ST6GALNAC3: variants seen among roughly 807,000 people sequenced by gnomAD.
The protein encoded by ST6GALNAC3 is ST6 N-acetylgalactosaminide alpha-2,6-sialyltransferase 3, also known as alpha-N-acetylgalactosaminide alpha-2,6-sialyltransferase 3.
A neutral mutation model predicts 32.7 loss-of-function variants in ST6GALNAC3; 25 were observed. That is an observed-to-expected ratio of 0.76 (90% CI 0.56 to 1.07). The LOEUF (loss-of-function observed/expected upper bound fraction) is 1.07, where lower values mean the gene tolerates loss of function less well. Ranked by LOEUF, ST6GALNAC3 falls within the 50% of genes least tolerant of loss-of-function variation. The probability of loss-of-function intolerance (pLI) is 0.00; values close to 1 mark genes in which losing one functional copy is unlikely to be tolerated. For missense variants in ST6GALNAC3, 355 were observed against 382.4 expected (o/e 0.93, Z 0.60); for synonymous variants, 129 against 133.1 (o/e 0.97, Z 0.21).
chr1:76,342,395 C>A (rs956348112), intron 2 of ST6GALNAC3, among the ~76,000 whole-genome samples: 1 of 152,046 alleles, frequency 6.6e-6, no homozygotes, highest in African/African-American at 2.4e-5. Context: ...TTTTAATGAT[C>A]GCCATTCTAA....
intron 3 of ST6GALNAC3, among the ~76,000 whole-genome samples, chr1:76,560,277 G>A (rs534876967): frequency 1.6e-4 from 24 of 152,144 alleles, no homozygotes; most frequent in African/African-American, 3.1e-4. Context: ...TGATTTGGGC[G>A]AAATTTTATT....
chr1:76,112,532 C>T (rs1256938931), intron 1 of ST6GALNAC3, among the ~76,000 whole-genome samples: 5 of 151,634 alleles, frequency 3.3e-5, no homozygotes, highest in Non-Finnish European at 5.9e-5. Flanking sequence ...CCCCCACCTC[C>T]CTCCCGGACG....
At chr1:76,484,180 G>T (rs190982772) in intron 3 of ST6GALNAC3, among the ~76,000 whole-genome samples, 2,267 of 152,202 alleles carry the variant, frequency 0.015, 50 homozygotes, top group African/African-American at 0.053. Context: ...TGTTCTTTTG[G>T]CTTAGGATTG....
At chr1:76,489,544 A>G (rs1212758375) in intron 3 of ST6GALNAC3, among the ~76,000 whole-genome samples, 1 of 152,132 alleles carries the variant, frequency 6.6e-6, no homozygotes. Flanking sequence ...TTTCTGCATA[A>G]TAGACATCCT....
At chr1:76,303,089 A>G (rs1660822894) in intron 1 of ST6GALNAC3, among the ~76,000 whole-genome samples, 1 of 101,938 alleles carries the variant, frequency 9.8e-6, no homozygotes, top group South Asian at 3.7e-4. Context: ...CTGAGTTACA[A>G]AGGTCACAGT....
At chr1:76,608,139 A>G (rs1189502478) in intron 3 of ST6GALNAC3, among the ~76,000 whole-genome samples, 6 of 152,230 alleles carry the variant, frequency 3.9e-5, no homozygotes, top group Non-Finnish European at 1.5e-5. Flanking sequence ...CAAGCCAATG[A>G]GGTATCTCTA....
intron 3 of ST6GALNAC3, among the ~76,000 whole-genome samples, chr1:76,452,796 A>G (rs1324189113): frequency 6.6e-6 from 1 of 152,118 alleles, no homozygotes; most frequent in Non-Finnish European, 1.5e-5. Flanking sequence ...GGCTTCATAG[A>G]ATGACTTAGG....
chr1:76,321,048 A>C (rs1646958504), intron 2 of ST6GALNAC3, among the ~76,000 whole-genome samples: 1 of 151,522 alleles, frequency 6.6e-6, no homozygotes, highest in South Asian at 2.1e-4. Context: ...TCTACTCTCC[A>C]CCTTCCCTTT....
chr1:76,191,488 A>G (rs1307230215), intron 1 of ST6GALNAC3, among the ~76,000 whole-genome samples: 2 of 152,084 alleles, frequency 1.3e-5, no homozygotes, highest in African/African-American at 4.8e-5. Flanking sequence ...AACAGTTAAG[A>G]TGTGATATAT....
At chr1:76,143,312 T>A (rs1360268615) in intron 1 of ST6GALNAC3, among the ~76,000 whole-genome samples, 2 of 152,004 alleles carry the variant, frequency 1.3e-5, no homozygotes, top group East Asian at 3.9e-4. Flanking sequence ...GCAGTCCTAT[T>A]AGCAAACTCA....
intron 3 of ST6GALNAC3, among the ~76,000 whole-genome samples, chr1:76,487,356 G>A (rs1033523494): frequency 6.6e-6 from 1 of 152,084 alleles, no homozygotes; most frequent in Non-Finnish European, 1.5e-5. Flanking sequence ...GTCACTTTCA[G>A]GTACACCAAT....
intron 1 of ST6GALNAC3, among the ~76,000 whole-genome samples, chr1:76,237,624 A>T (rs1355220681): frequency 6.6e-6 from 1 of 152,198 alleles, no homozygotes. Flanking sequence ...TGGAGGGAAA[A>T]AAACCCAGTT....
At chr1:76,221,979 G>A (rs1421615052) in intron 1 of ST6GALNAC3, among the ~76,000 whole-genome samples, 1 of 152,124 alleles carries the variant, frequency 6.6e-6, no homozygotes, top group South Asian at 2.1e-4. Context: ...TGTGAATGAT[G>A]GACAGGAGAG....
At chr1:76,542,992 T>G (rs1051890281) in intron 3 of ST6GALNAC3, among the ~76,000 whole-genome samples, 1 of 152,228 alleles carries the variant, frequency 6.6e-6, no homozygotes, top group Non-Finnish European at 1.5e-5. Flanking sequence ...TTTGGGATTC[T>G]GCCATCTTCT....
chr1:76,132,677 T>A (rs1011635388), intron 1 of ST6GALNAC3, among the ~76,000 whole-genome samples: 10 of 152,150 alleles, frequency 6.6e-5, no homozygotes, highest in Non-Finnish European at 1.3e-4. Context: ...TACAGTGGCT[T>A]CCACCTTGCA....
At chr1:76,388,984 A>G (rs1652309809) in intron 2 of ST6GALNAC3, among the ~76,000 whole-genome samples, 2 of 121,798 alleles carry the variant, frequency 1.6e-5, no homozygotes, top group Non-Finnish European at 3.5e-5. Context: ...GTTAGTTGGT[A>G]TGGTGTGGTT....
intron 2 of ST6GALNAC3, among the ~76,000 whole-genome samples, chr1:76,347,896 G>C (rs1327305517): frequency 1.3e-5 from 2 of 152,058 alleles, no homozygotes; most frequent in Non-Finnish European, 2.9e-5. Flanking sequence ...CATGGTGCCT[G>C]GTCCATGGTG....
intron 3 of ST6GALNAC3, among the ~76,000 whole-genome samples, chr1:76,437,943 T>G (rs1385240804): frequency 1.3e-5 from 2 of 152,094 alleles, no homozygotes; most frequent in African/African-American, 4.8e-5. Context: ...TTTTCAATTT[T>G]GCATTTTCTC....
intron 3 of ST6GALNAC3, among the ~76,000 whole-genome samples, chr1:76,586,135 G>A (rs1472231219): frequency 2.6e-5 from 4 of 152,178 alleles, no homozygotes; most frequent in Admixed American, 1.3e-4. Context: ...TGTGGCAGAA[G>A]CAGCTTCACT....
Sources: gnomAD v4.1 joint callset for allele counts (sites outside exome capture counted in the v4.1 genomes callset) on GRCh38, gnomAD v4.1.1 for gene constraint, MANE v1.5 for transcripts, NCBI Gene and HGNC (gene_info 2026-07-23, HGNC 2026-07-21) for gene names.